The following SCAMP2 variants were observed in gnomAD, a reference collection of about 807,000 sequenced individuals.
SCAMP2 encodes secretory carrier-associated membrane protein 2.
Under a neutral mutation model 44.1 loss-of-function variants are expected in SCAMP2, and 25 were observed. The observed-to-expected ratio is 0.57, with a 90% CI of 0.41 to 0.79. SCAMP2 has a LOEUF of 0.79. Ranked by LOEUF, SCAMP2 falls within the 30% of genes least tolerant of loss-of-function variation. The pLI, the probability that SCAMP2 is intolerant of heterozygous loss-of-function variation, is 0.00. For missense variants in SCAMP2, 355 were observed against 411.0 expected, an observed-to-expected ratio of 0.86 and a Z score of 1.18; for synonymous variants, 156 against 166.0, an observed-to-expected ratio of 0.94 and a Z score of 0.46.
chr15:74,862,135 C>T (rs1178098224), intron 1 of SCAMP2, among the ~76,000 whole-genome samples: 9 of 149,016 alleles, frequency 6.0e-5, no homozygotes, highest in African/African-American at 1.5e-4. Flanking sequence ...TGGTGGCATG[C>T]GCCTGTATTC....
At position 74,852,085 on chromosome 15, in the gene SCAMP2, A is replaced by G; in HGVS notation, c.327T>C (p.Thr109=). The G allele has an allele frequency of 6.3e-7, 1 of 1,580,658 alleles. No homozygotes were observed. The highest frequency in any genetic ancestry group is 1.2e-5 in the South Asian group (1 of 86,656). The change falls in exon 4 of 9, where the codon ACT becomes ACC. Residue 109 remains threonine, a synonymous_variant. Coordinates refer to ENST00000268099, the MANE Select transcript of SCAMP2 (RefSeq NM_005697.5). ...LERKERELQN[T]VANLHVRQNN... is the part of the protein sequence containing the mutation. Reference sequence around the variant, plus strand: ...CTCCCTTACCATGCAAGTTGGCTACAGTGTTCTGCAGCTCCCGCTCCTTGC... The same window carrying G: ...CTCCCTTACCATGCAAGTTGGCTACGGTGTTCTGCAGCTCCCGCTCCTTGC...
chr15:74,849,654 G>A (rs984261415), intron 6 of SCAMP2, among the ~76,000 whole-genome samples: 1 of 151,906 alleles, frequency 6.6e-6, no homozygotes, highest in African/African-American at 2.4e-5. Context: ...TGAGGCAGGA[G>A]AATCATTTGA....
At chr15:74,857,286 C>G (rs2064474345) in intron 1 of SCAMP2, among the ~76,000 whole-genome samples, 1 of 152,190 alleles carries the variant, frequency 6.6e-6, no homozygotes, top group African/African-American at 2.4e-5. Context: ...GCTCCTGCAA[C>G]TTGGACAAAG....
At position 74,854,135 on chromosome 15, in the gene SCAMP2, CAA is replaced by C. The variant is rs773783755; in HGVS notation, c.127-18_127-17del. On this transcript the variant is annotated splice_polypyrimidine_tract_variant and intron_variant, in intron 2 of 8. Transcript: ENST00000268099. Reference sequence around the variant, plus strand: ...CTGCATTTGTCTACATGGAACAAATCAAAAGACAGAATTGAGTGGGACTCCAT... The same window carrying C: ...CTGCATTTGTCTACATGGAACAAATCAAGACAGAATTGAGTGGGACTCCAT... The C allele has an allele frequency of 6.2e-7, 1 of 1,608,182 alleles. No homozygotes were observed. The highest frequency in any genetic ancestry group is 8.5e-7 in the Non-Finnish European group (1 of 1,174,612).
chr15:74,862,271 A>AAAAAT, intron 1 of SCAMP2, among the ~76,000 whole-genome samples: 1 of 129,504 alleles, frequency 7.7e-6, no homozygotes, highest in Non-Finnish European at 1.6e-5. Context: ...TCCAAAAAAA[A>AAAAAT]AAAAAAAAAA....
In SCAMP2 at chr15:74,854,233, G is replaced by A. The variant is rs539194478; in HGVS notation, c.127-114C>T. On this transcript the variant is annotated intron_variant, in intron 2 of 8. Transcript: ENST00000268099. ...CCCCTGCCTGTGAGGGGACTCCCTC[G>A]GGGCCTGCACTGGGCCTTCCCCTGT... The A allele has an allele frequency of 3.7e-4, 351 of 957,560 alleles. 1 individual carries two copies. In the East Asian group the frequency reaches 6.9e-3, roughly 19 times the overall value. The allele number at this position is 957,560 out of a possible 1,614,324, so 59.3% of individuals were successfully genotyped here.
intron 1 of SCAMP2, among the ~76,000 whole-genome samples, chr15:74,862,834 A>C (rs1365451969): frequency 1.1e-4 from 15 of 138,446 alleles, no homozygotes; most frequent in Non-Finnish European, 1.5e-4. Flanking sequence ...AAAAAAAAAA[A>C]AAAACAAAAA....
At chr15:74,849,085 T>A (rs1163906698) in intron 6 of SCAMP2, among the ~76,000 whole-genome samples, 1 of 151,348 alleles carries the variant, frequency 6.6e-6, no homozygotes, top group Non-Finnish European at 1.5e-5. Flanking sequence ...ACAAAGAACC[T>A]AACACTCCAT....
At chr15:74,860,253 A>T (rs1382452104) in intron 1 of SCAMP2, among the ~76,000 whole-genome samples, 1 of 152,052 alleles carries the variant, frequency 6.6e-6, no homozygotes, top group Non-Finnish European at 1.5e-5. Flanking sequence ...CATGTCTATT[A>T]AAAATACAAA....
At chr15:74,860,373 G>C (rs931920945) in intron 1 of SCAMP2, among the ~76,000 whole-genome samples, 1 of 150,190 alleles carries the variant, frequency 6.7e-6, no homozygotes, top group African/African-American at 2.4e-5. Flanking sequence ...GGCCAACATG[G>C]TGAAACCCCA....
At chr15:74,862,353 G>A (rs921214959) in intron 1 of SCAMP2, among the ~76,000 whole-genome samples, 2 of 150,188 alleles carry the variant, frequency 1.3e-5, no homozygotes, top group South Asian at 2.1e-4. Flanking sequence ...AAGGTGGGCA[G>A]ATCACTTGAG....
intron 1 of SCAMP2, among the ~76,000 whole-genome samples, chr15:74,866,585 G>A (rs142909018): frequency 9.2e-5 from 14 of 152,074 alleles, no homozygotes; most frequent in African/African-American, 3.1e-4. Context: ...GCTAGTGCAC[G>A]CCTGTAATCC....
chr15:74,869,250 C>G (rs890681180), intron 1 of SCAMP2, among the ~76,000 whole-genome samples: 10 of 151,972 alleles, frequency 6.6e-5, no homozygotes, highest in African/African-American at 2.4e-4. Flanking sequence ...TGGCATTACT[C>G]AGAATATATA....
At chr15:74,864,583 C>G (rs1280085352) in intron 1 of SCAMP2, among the ~76,000 whole-genome samples, 1 of 152,122 alleles carries the variant, frequency 6.6e-6, no homozygotes, top group African/African-American at 2.4e-5. Flanking sequence ...GGGAGTGCAA[C>G]AGCATGGTAG....
At chr15:74,849,848 G>A (rs1567249457) in intron 6 of SCAMP2, among the ~76,000 whole-genome samples, 2 of 150,364 alleles carry the variant, frequency 1.3e-5, no homozygotes, top group Non-Finnish European at 3.0e-5. Flanking sequence ...GGGAAACAGG[G>A]GACACCAGAC....
intron 1 of SCAMP2, among the ~76,000 whole-genome samples, chr15:74,865,718 G>C (rs1301271988): frequency 6.7e-6 from 1 of 148,306 alleles, no homozygotes; most frequent in African/African-American, 2.5e-5. Flanking sequence ...TTGGGAGGTT[G>C]AGGCAGGATT....
chr15:74,850,671 G>A lies in SCAMP2; in HGVS notation c.475C>T (p.His159Tyr), dbSNP rs368744213. The change falls in exon 6 of 9, where the codon CAT becomes TAT. Residue 159 changes from histidine (H) to tyrosine (Y), a missense_variant and splice_region_variant. Coordinates refer to ENST00000268099, the MANE Select transcript of SCAMP2 (RefSeq NM_005697.5). ...AGGTTCAGAAACAGAGTCACTGAAT[G>A]CACTGGGGAAGGGGACAGGACAGAG... ...CKMLYYLWML[H>Y]SVTLFLNLLA... 5.6e-6 allele frequency: 9 copies of A among 1,613,844 alleles called. No homozygotes were observed. The African/African-American group carries it at 1.1e-4, about 19-fold the overall frequency.
Position 74,862,285 on chromosome 15 carries a change from AAAAAT to A in SCAMP2, c.58-7641_58-7637del, listed in dbSNP as rs1422147360. ...CTCCAAAAAAAAAAAAAAAAAAAAA[AAAAAT>A]TCCTGGCCAGGTGCAATGGCTCACA... On this transcript the variant is annotated intron_variant, in intron 1 of 8. Transcript: ENST00000268099. 1.7e-4 allele frequency among the ~76,000 whole-genome samples: 22 copies of A among 131,298 alleles called. 5 individuals are homozygous for A. Among genetic ancestry groups the A allele is most frequent in the African/African-American group, 4.2e-4 (12 of 28,580 alleles). The allele number at this position is 131,298 out of a possible 152,430, so 86.1% of individuals were successfully genotyped here.
chr15:74,864,344 A>G (rs1429665546), intron 1 of SCAMP2, among the ~76,000 whole-genome samples: 1 of 152,072 alleles, frequency 6.6e-6, no homozygotes, highest in Non-Finnish European at 1.5e-5. Flanking sequence ...TACAGGCTTG[A>G]GCCACCGCAC....
Sources: gnomAD v4.1 joint callset for allele counts (sites outside exome capture counted in the v4.1 genomes callset) on GRCh38, gnomAD v4.1.1 for gene constraint, MANE v1.5 for transcripts, NCBI Gene and HGNC (gene_info 2026-07-23, HGNC 2026-07-21) for gene names.